ITGB5: variants seen among roughly 807,000 people sequenced by gnomAD.
The protein encoded by ITGB5 is integrin beta-5.
A neutral mutation model predicts 84.8 loss-of-function variants in ITGB5; 38 were observed. That is an observed-to-expected ratio of 0.45 (90% confidence interval 0.35 to 0.59). ITGB5 has a LOEUF of 0.59. Among genes scored for constraint, ITGB5 ranks in the 20% least tolerant of loss-of-function variants. The pLI, the probability that ITGB5 is intolerant of heterozygous loss-of-function variation, is 0.01. For missense variants in ITGB5, 905 were observed against 1,034.5 expected, an observed-to-expected ratio of 0.87 and a Z score of 1.72; for synonymous variants, 393 against 414.4, an observed-to-expected ratio of 0.95 and a Z score of 0.63.
intron 4 of ITGB5, among the ~76,000 whole-genome samples, chr3:124,842,211 T>C (rs1035700626): frequency 5.9e-5 from 9 of 152,264 alleles, no homozygotes; most frequent in African/African-American, 2.2e-4. Context: ...CTAAGCATCT[T>C]CAAATGGAAA....
intron 1 of ITGB5, among the ~76,000 whole-genome samples, chr3:124,878,085 A>G (rs1934407231): frequency 6.6e-6 from 1 of 152,168 alleles, no homozygotes; most frequent in African/African-American, 2.4e-5. Flanking sequence ...CCTGACTTCA[A>G]GTGATCTGCC....
At chr3:124,875,476 C>CA (rs35782965) in intron 1 of ITGB5, among the ~76,000 whole-genome samples, 60,585 of 104,562 alleles carry the variant, frequency 0.58, 16,378 homozygotes, top group East Asian at 0.75. Flanking sequence ...GACTCTGTCT[C>CA]AAAAAAAAAA....
intron 3 of ITGB5, among the ~76,000 whole-genome samples, chr3:124,849,616 A>G (rs1257308530): frequency 1.3e-5 from 2 of 152,186 alleles, no homozygotes; most frequent in African/African-American, 2.4e-5. Flanking sequence ...AAGAAGAAAG[A>G]GAAAAGACAG....
chr3:124,782,653 T>G (rs2064021196), intron 10 of ITGB5, among the ~76,000 whole-genome samples: 1 of 152,032 alleles, frequency 6.6e-6, no homozygotes, highest in Non-Finnish European at 1.5e-5. Flanking sequence ...AGGTCAGGAA[T>G]TTGAGACCAG....
At chr3:124,849,777 C>T (rs2065127413) in intron 3 of ITGB5, among the ~76,000 whole-genome samples, 1 of 141,644 alleles carries the variant, frequency 7.1e-6, no homozygotes, top group East Asian at 2.0e-4. Flanking sequence ...AGGCTCAAGT[C>T]AGGGCAATAA....
chr3:124,884,763 T>C (rs1298267795), intron 1 of ITGB5, among the ~76,000 whole-genome samples: 1 of 152,054 alleles, frequency 6.6e-6, no homozygotes, highest in Non-Finnish European at 1.5e-5. Flanking sequence ...ACCACCATGC[T>C]CAGTGCTTTT....
At chr3:124,893,603 C>T (rs1935043431) in intron 1 of ITGB5, among the ~76,000 whole-genome samples, 1 of 152,064 alleles carries the variant, frequency 6.6e-6, no homozygotes, top group African/African-American at 2.4e-5. Flanking sequence ...CCAAAAATGA[C>T]ACCTAGATGA....
At position 124,773,726 on chromosome 3, in the gene ITGB5, TTCTCACACA is replaced by T. The variant is rs2063881550; in HGVS notation, c.1871_1879del (p.Met624_Glu626del). The stretch of plus-strand genomic sequence containing the variant: ...GCATGCATCCGGGCAGGTGGGGCAC[TTCTCACACA>T]TCTCCCCAAAGGCCCCCGGCTCCGT... On this transcript the variant is annotated inframe_deletion, in exon 11 of 15. Coordinates refer to ENST00000296181, the MANE Select transcript of ITGB5 (RefSeq NM_002213.5). 3 of 1,612,444 alleles carry T rather than the reference TTCTCACACA, an allele frequency of 1.9e-6. No homozygotes were observed. Among genetic ancestry groups the T allele is most frequent in the Non-Finnish European group, 2.5e-6 (3 of 1,180,022 alleles).
At chr3:124,812,449 G>C (rs895600506) in intron 8 of ITGB5, among the ~76,000 whole-genome samples, 1 of 152,210 alleles carries the variant, frequency 6.6e-6, no homozygotes, top group East Asian at 1.9e-4. Context: ...CATGTGCTCT[G>C]CTAGAGAAAA....
At chr3:124,850,419 T>C (rs2065135243) in intron 3 of ITGB5, among the ~76,000 whole-genome samples, 1 of 151,896 alleles carries the variant, frequency 6.6e-6, no homozygotes, top group Non-Finnish European at 1.5e-5. Flanking sequence ...TCATTACTGC[T>C]TGCAGTCAGA....
chr3:124,808,069 G>A (rs533582218), intron 9 of ITGB5, among the ~76,000 whole-genome samples: 7 of 148,556 alleles, frequency 4.7e-5, no homozygotes, highest in South Asian at 4.5e-4. Context: ...GGAGAAACCC[G>A]AGGAGACCAC....
chr3:124,798,107 C>T (rs56085841), intron 9 of ITGB5, among the ~76,000 whole-genome samples: 11,382 of 133,244 alleles, frequency 0.085, 869 homozygotes, highest in African/African-American at 0.22. Context: ...GGCTGGAGTG[C>T]GGTGGCATGC....
chr3:124,890,200 C>CT (rs138123708), upstream of ITGB5, among the ~76,000 whole-genome samples: 183 of 93,188 alleles, frequency 2.0e-3, 1 homozygote, highest in East Asian at 0.027. Flanking sequence ...ACTTATCTAG[C>CT]TTTTTTTTTT....
intron 2 of ITGB5, among the ~76,000 whole-genome samples, chr3:124,873,091 T>C (rs1359460012): frequency 6.6e-6 from 1 of 152,242 alleles, no homozygotes; most frequent in Non-Finnish European, 1.5e-5. Context: ...CATCTAGATA[T>C]GTTTTGAATC....
At chr3:124,774,415 G>A (rs1267998399) in intron 10 of ITGB5, among the ~76,000 whole-genome samples, 1 of 152,166 alleles carries the variant, frequency 6.6e-6, no homozygotes, top group East Asian at 1.9e-4. Context: ...GAGGAAGGTG[G>A]CAGTGGGACA....
chr3:124,898,767 A>G (rs912378522), intron 1 of ITGB5, among the ~76,000 whole-genome samples: 52 of 111,410 alleles, frequency 4.7e-4, no homozygotes, highest in African/African-American at 1.8e-3. Flanking sequence ...GCAAAACCCC[A>G]TGTCTTAAAA....
intron 1 of ITGB5, among the ~76,000 whole-genome samples, chr3:124,884,400 A>G (rs12488397): frequency 0.11 from 16,140 of 152,114 alleles, 1,053 homozygotes; most frequent in South Asian, 0.17. Flanking sequence ...CAAAACCTGT[A>G]GTCAAAGAGA....
rs190545178 is a variant in ITGB5 at position 124,796,192 on chromosome 3, A to G, written c.1693+196T>C. Among the ~76,000 whole-genome samples, 721 of 152,304 alleles carry G rather than the reference A, an allele frequency of 4.7e-3. 2 individuals carry two copies. Among genetic ancestry groups the G allele is most frequent in the Middle Eastern group, 0.017 (5 of 294 alleles). On this transcript the variant is annotated intron_variant, in intron 10 of 14. Transcript: ENST00000296181. ...CTGAGAGTCCACAATTTATGGCAAT[A>G]CCTTCTGCTTTCGTATTCTGCACAC...
intron 5 of ITGB5, among the ~76,000 whole-genome samples, chr3:124,833,313 T>G (rs1487942866): frequency 6.6e-6 from 1 of 152,184 alleles, no homozygotes; most frequent in East Asian, 1.9e-4. Context: ...ACCATATGAA[T>G]TTTCCATTTT....
Sources: gnomAD v4.1 joint callset for allele counts (sites outside exome capture counted in the v4.1 genomes callset) on GRCh38, gnomAD v4.1.1 for gene constraint, MANE v1.5 for transcripts, NCBI Gene and HGNC (gene_info 2026-07-23, HGNC 2026-07-21) for gene names.